The following SLC1A1 variants were observed in gnomAD, a reference collection of about 807,000 sequenced individuals.
SLC1A1 encodes the protein excitatory amino acid transporter 3.
In SLC1A1, 43 loss-of-function variants were observed where a neutral mutation model predicts 53.3. The ratio of observed to expected loss-of-function variants is 0.81; its 90% CI spans 0.63 to 1.04. SLC1A1 has a LOEUF of 1.04. SLC1A1 is among the 50% of genes least tolerant of loss of function. The pLI, the probability that SLC1A1 is intolerant of heterozygous loss-of-function variation, is 0.00. For missense variants in SLC1A1, 748 were observed against 664.9 expected (o/e 1.12, Z -1.37); for synonymous variants, 307 against 243.2 (o/e 1.26, Z -2.44).
At chr9:4,530,776 G>C (rs1298906069) in intron 1 of SLC1A1, among the ~76,000 whole-genome samples, 1 of 151,908 alleles carries the variant, frequency 6.6e-6, no homozygotes, top group Non-Finnish European at 1.5e-5. Flanking sequence ...ATAGTGCTTG[G>C]GATATATTTG....
intron 1 of SLC1A1, among the ~76,000 whole-genome samples, chr9:4,529,841 C>G (rs997026818): frequency 2.0e-5 from 3 of 152,114 alleles, no homozygotes; most frequent in African/African-American, 7.2e-5. Context: ...TATATATATA[C>G]TTGATTACTT....
intron 1 of SLC1A1, among the ~76,000 whole-genome samples, chr9:4,495,763 G>C (rs944245187): frequency 1.3e-5 from 2 of 151,868 alleles, no homozygotes; most frequent in African/African-American, 4.9e-5. Context: ...TGCCTCAGCT[G>C]AGCAGCCAGG....
intron 2 of SLC1A1, among the ~76,000 whole-genome samples, chr9:4,552,328 G>C (rs1328982183): frequency 6.6e-6 from 1 of 152,182 alleles, no homozygotes; most frequent in Non-Finnish European, 1.5e-5. Context: ...GGTCAGTGCA[G>C]GGGACATTGG....
At chr9:4,577,807 G>C (rs1354606162) in intron 10 of SLC1A1, among the ~76,000 whole-genome samples, 1 of 152,158 alleles carries the variant, frequency 6.6e-6, no homozygotes, top group Non-Finnish European at 1.5e-5. Context: ...GCAGCAATAT[G>C]GAAGATATAT....
intron 8 of SLC1A1, among the ~76,000 whole-genome samples, chr9:4,575,273 ATATC>A (rs1228406292): frequency 2.6e-5 from 4 of 152,176 alleles, no homozygotes; most frequent in Non-Finnish European, 5.9e-5. Flanking sequence ...AGTTACATAT[ATATC>A]TATCTGTGAA....
chr9:4,572,037 A>T lies in SLC1A1; in HGVS notation c.583-167A>T, dbSNP rs115542326. On this transcript the variant is annotated intron_variant, in intron 6 of 11. Transcript: ENST00000262352. ...AGCAAGGGTAAAGTTTGTTACATGC[A>T]TAGGTGTTTTTATTATTGTTTTTAT... Among the ~76,000 whole-genome samples the T allele has an allele frequency of 1.9e-3, 285 of 152,322 alleles. 3 individuals carry two copies. Among genetic ancestry groups the T allele is most frequent in the African/African-American group, 6.6e-3 (275 of 41,576 alleles).
intron 1 of SLC1A1, among the ~76,000 whole-genome samples, chr9:4,542,616 C>T (rs1003237544): frequency 1.3e-5 from 2 of 152,142 alleles, no homozygotes; most frequent in South Asian, 4.1e-4. Context: ...TTACTTGAAG[C>T]AACCTGAATA....
At chr9:4,529,593 G>A (rs1816390593) in intron 1 of SLC1A1, among the ~76,000 whole-genome samples, 1 of 152,120 alleles carries the variant, frequency 6.6e-6, no homozygotes. Flanking sequence ...ATGTATGAGT[G>A]AACAAATGAA....
chr9:4,505,395 T>C (rs186208929), intron 1 of SLC1A1, among the ~76,000 whole-genome samples: 12 of 152,240 alleles, frequency 7.9e-5, no homozygotes, highest in Admixed American at 7.8e-4. Context: ...GTCTTGTCTT[T>C]CACCTTTTAA....
intron 2 of SLC1A1, among the ~76,000 whole-genome samples, chr9:4,554,953 T>G (rs1284198740): frequency 6.6e-6 from 1 of 152,250 alleles, no homozygotes; most frequent in Non-Finnish European, 1.5e-5. Context: ...CACTGTGTTC[T>G]GGGCACTGTA....
chr9:4,492,124 C>G (rs1333981846), intron 1 of SLC1A1, among the ~76,000 whole-genome samples: 1 of 151,902 alleles, frequency 6.6e-6, no homozygotes, highest in Non-Finnish European at 1.5e-5. Context: ...CTATTTCCCC[C>G]AAGAAGTGCC....
intron 10 of SLC1A1, among the ~76,000 whole-genome samples, chr9:4,580,719 G>A (rs78633418): frequency 6.7e-6 from 1 of 148,658 alleles, no homozygotes; most frequent in East Asian, 2.0e-4. Context: ...GAAAAAAAAA[G>A]TAGCAGTAGT....
At chr9:4,516,071 T>C (rs1345446637) in intron 1 of SLC1A1, among the ~76,000 whole-genome samples, 1 of 152,188 alleles carries the variant, frequency 6.6e-6, no homozygotes, top group African/African-American at 2.4e-5. Flanking sequence ...AGAGCCACAC[T>C]GGTACAGGAG....
intron 1 of SLC1A1, among the ~76,000 whole-genome samples, chr9:4,522,232 C>T (rs1816103845): frequency 6.6e-6 from 1 of 151,484 alleles, no homozygotes. Flanking sequence ...TTTGTATTTT[C>T]TGTAGAGATG....
At chr9:4,514,526 T>G (rs1277308099) in intron 1 of SLC1A1, among the ~76,000 whole-genome samples, 1 of 152,038 alleles carries the variant, frequency 6.6e-6, no homozygotes, top group Non-Finnish European at 1.5e-5. Context: ...CCAAATACAC[T>G]TGGGCTGAGT....
At chr9:4,537,652 C>G (rs566719205) in intron 1 of SLC1A1, among the ~76,000 whole-genome samples, 1 of 150,608 alleles carries the variant, frequency 6.6e-6, no homozygotes, top group Non-Finnish European at 1.5e-5. Context: ...AAACATGCTA[C>G]GTGAAATAAG....
intron 1 of SLC1A1, among the ~76,000 whole-genome samples, chr9:4,499,330 T>A (rs1025888649): frequency 1.3e-5 from 2 of 152,066 alleles, no homozygotes; most frequent in Admixed American, 6.6e-5. Flanking sequence ...CAGGCATGAG[T>A]CACGGGGCCC....
At chr9:4,559,423 T>C (rs530037635) in intron 2 of SLC1A1, among the ~76,000 whole-genome samples, 3 of 152,038 alleles carry the variant, frequency 2.0e-5, no homozygotes, top group Non-Finnish European at 2.9e-5. Context: ...GCCAGAGAAA[T>C]GGTGTGTTTA....
At chr9:4,551,279 C>T (rs1817905764) in intron 2 of SLC1A1, among the ~76,000 whole-genome samples, 1 of 152,152 alleles carries the variant, frequency 6.6e-6, no homozygotes, top group African/African-American at 2.4e-5. Flanking sequence ...AACAATCCCA[C>T]ATCCTCCTAT....
Sources: allele counts gnomAD v4.1 joint callset (sites outside exome capture counted in the v4.1 genomes callset), GRCh38; gene constraint gnomAD v4.1.1; transcripts MANE v1.5; gene names NCBI Gene and HGNC (gene_info 2026-07-23, HGNC 2026-07-21).